CACNA2D3: variants seen among roughly 807,000 people sequenced by gnomAD.
The protein encoded by CACNA2D3 is calcium voltage-gated channel auxiliary subunit alpha2delta 3, also known as voltage-dependent calcium channel subunit alpha-2/delta-3.
A neutral mutation model predicts 160.6 loss-of-function variants in CACNA2D3; 60 were observed. The ratio of observed to expected loss-of-function variants is 0.37; its 90% confidence interval spans 0.30 to 0.46. CACNA2D3 has a LOEUF of 0.46. Among genes scored for constraint, CACNA2D3 ranks in the 20% least tolerant of loss-of-function variants. The pLI is 1.00. For missense variants in CACNA2D3, 1,205 were observed against 1,365.0 expected (o/e 0.88, Z 1.85); for synonymous variants, 558 against 492.9 (o/e 1.13, Z -1.75).
intron 14 of CACNA2D3, among the ~76,000 whole-genome samples, chr3:54,829,033 G>A (rs185753723): frequency 2.0e-5 from 3 of 152,242 alleles, no homozygotes; most frequent in East Asian, 3.9e-4. Context: ...CTCACAATCA[G>A]CAAACCTTAA....
chr3:54,815,229 C>T (rs1230468658), intron 13 of CACNA2D3, among the ~76,000 whole-genome samples: 4 of 152,064 alleles, frequency 2.6e-5, no homozygotes, highest in African/African-American at 7.2e-5. Flanking sequence ...CTCATATTTC[C>T]GTCTTCTTAA....
chr3:54,754,715 A>G (rs1175772351), intron 12 of CACNA2D3, among the ~76,000 whole-genome samples: 1 of 152,206 alleles, frequency 6.6e-6, no homozygotes, highest in Admixed American at 6.5e-5. Flanking sequence ...TCTGCTTTAA[A>G]TGGGTCTCCT....
chr3:54,640,725 C>A (rs1035823037), intron 10 of CACNA2D3, among the ~76,000 whole-genome samples: 2 of 152,176 alleles, frequency 1.3e-5, no homozygotes, highest in African/African-American at 4.8e-5. Flanking sequence ...ACTTGGGCTT[C>A]TCAAGTGAAT....
intron 5 of CACNA2D3, among the ~76,000 whole-genome samples, chr3:54,508,877 T>G (rs557716103): frequency 1.3e-5 from 2 of 152,240 alleles, no homozygotes; most frequent in East Asian, 3.9e-4. Context: ...CTGCAGAGCA[T>G]GAGAAATCAG....
intron 4 of CACNA2D3, among the ~76,000 whole-genome samples, chr3:54,453,720 GT>G (rs1700349408): frequency 6.6e-6 from 1 of 152,152 alleles, no homozygotes; most frequent in East Asian, 1.9e-4. Context: ...TGTTAGGTAA[GT>G]TGTGTCCATG....
intron 14 of CACNA2D3, among the ~76,000 whole-genome samples, chr3:54,820,902 A>C (rs902065572): frequency 6.6e-6 from 1 of 152,140 alleles, no homozygotes; most frequent in Non-Finnish European, 1.5e-5. Context: ...ATTTTTCTTC[A>C]CGTAGATTCT....
At chr3:54,288,834 T>C (rs991296216) in intron 2 of CACNA2D3, among the ~76,000 whole-genome samples, 1 of 152,236 alleles carries the variant, frequency 6.6e-6, no homozygotes. Flanking sequence ...CGTGATTATC[T>C]CAATAGATGC....
intron 17 of CACNA2D3, among the ~76,000 whole-genome samples, chr3:54,871,182 G>GACACAC (rs376258511): frequency 2.5e-4 from 32 of 127,782 alleles, no homozygotes; most frequent in Middle Eastern, 4.0e-3. Context: ...TATAGGTGGA[G>GACACAC]ACACACACAC....
At chr3:54,149,392 G>A (rs922938474) in intron 2 of CACNA2D3, among the ~76,000 whole-genome samples, 1 of 152,166 alleles carries the variant, frequency 6.6e-6, no homozygotes, top group South Asian at 2.1e-4. Context: ...CATAGGCAGT[G>A]TTGTCTGCCC....
At chr3:54,561,429 A>G (rs988734911) in intron 5 of CACNA2D3, among the ~76,000 whole-genome samples, 3 of 152,200 alleles carry the variant, frequency 2.0e-5, no homozygotes, top group African/African-American at 7.2e-5. Flanking sequence ...TTGATGTTGT[A>G]TCCTCAGACT....
chr3:54,375,702 AGT>A (rs4025928), intron 3 of CACNA2D3, among the ~76,000 whole-genome samples: 7,645 of 152,148 alleles, frequency 0.05, 275 homozygotes, highest in Middle Eastern at 0.095. Flanking sequence ...TCAAACAGGG[AGT>A]GCTGCCATCA....
At chr3:54,448,333 A>C (rs556762392) in intron 4 of CACNA2D3, among the ~76,000 whole-genome samples, 21 of 152,334 alleles carry the variant, frequency 1.4e-4, no homozygotes, top group African/African-American at 4.6e-4. Context: ...CTGGCTGCTG[A>C]GGCCTGGATC....
At chr3:54,961,371 C>G (rs973913774) in intron 27 of CACNA2D3, among the ~76,000 whole-genome samples, 1 of 152,174 alleles carries the variant, frequency 6.6e-6, no homozygotes, top group Non-Finnish European at 1.5e-5. Context: ...GGAAAAGTCA[C>G]TCTACTCCTA....
intron 4 of CACNA2D3, among the ~76,000 whole-genome samples, chr3:54,430,425 T>C (rs1236587451): frequency 1.3e-5 from 2 of 152,230 alleles, no homozygotes; most frequent in Non-Finnish European, 2.9e-5. Flanking sequence ...ATTATGAAGA[T>C]TGCCCATGGA....
At chr3:54,836,226 C>CTTTTTTTTTTTTTTTTTT (rs71096454) in intron 14 of CACNA2D3, among the ~76,000 whole-genome samples, 55 of 92,684 alleles carry the variant, frequency 5.9e-4, no homozygotes, top group African/African-American at 8.6e-4. Flanking sequence ...TTTTTTTTTT[C>CTTTTTTTTTTTTTTTTTT]TTTTTTTTTT....
intron 3 of CACNA2D3, among the ~76,000 whole-genome samples, chr3:54,333,948 G>A (rs1704322101): frequency 6.6e-6 from 1 of 152,214 alleles, no homozygotes; most frequent in South Asian, 2.1e-4. Flanking sequence ...AGCAATGGCT[G>A]TGGTTCTCCA....
chr3:54,527,021 C>G (rs1356793171), intron 5 of CACNA2D3, among the ~76,000 whole-genome samples: 1 of 152,178 alleles, frequency 6.6e-6, no homozygotes, highest in Non-Finnish European at 1.5e-5. Context: ...TGACTATTCT[C>G]TCTTTTTTTA....
chr3:54,320,881 T>C (rs1703973505), intron 3 of CACNA2D3, among the ~76,000 whole-genome samples: 1 of 152,174 alleles, frequency 6.6e-6, no homozygotes, highest in Non-Finnish European at 1.5e-5. Context: ...AAAGGTACAC[T>C]AGGGTTCAAC....
chr3:54,794,819 C>A (rs1280405743), intron 13 of CACNA2D3, among the ~76,000 whole-genome samples: 1 of 152,010 alleles, frequency 6.6e-6, no homozygotes, highest in Non-Finnish European at 1.5e-5. Context: ...TTATTAGCTG[C>A]TTAAGATTTT....
Sources: gnomAD v4.1 joint callset for allele counts (sites outside exome capture counted in the v4.1 genomes callset) on GRCh38, gnomAD v4.1.1 for gene constraint, MANE v1.5 for transcripts, NCBI Gene and HGNC (gene_info 2026-07-23, HGNC 2026-07-21) for gene names.